The following CLDN1 variants were observed in gnomAD, a reference collection of about 807,000 sequenced individuals.
The protein encoded by CLDN1 is claudin 1.
In CLDN1, 12 loss-of-function variants were observed where a neutral mutation model predicts 22.6. That is an observed-to-expected ratio of 0.53 (90% CI 0.34 to 0.86). The LOEUF (loss-of-function observed/expected upper bound fraction) is 0.86, where lower values mean the gene tolerates loss of function less well. CLDN1 is among the 40% of genes least tolerant of loss of function. The pLI is 0.02. For missense variants in CLDN1, 250 were observed against 269.5 expected, an observed-to-expected ratio of 0.93 and a Z score of 0.51; for synonymous variants, 99 against 103.8, an observed-to-expected ratio of 0.95 and a Z score of 0.28.
chr3:190,317,035 T>C (rs899403396), intron 1 of CLDN1, among the ~76,000 whole-genome samples: 3 of 152,200 alleles, frequency 2.0e-5, no homozygotes, highest in Non-Finnish European at 4.4e-5. Flanking sequence ...TTTGCCCTAA[T>C]GGAATGATGA....
At chr3:190,321,886 C>A in intron 1 of CLDN1, 98 bp downstream of exon 1, 1 of 893,748 alleles carries the variant, frequency 1.1e-6, no homozygotes, top group South Asian at 1.5e-5. Context: ...CAACTGAAGA[C>A]TGATAACCAT....
rs536895119 is a variant in CLDN1, at chr3:190,322,342, C to T, written c.-136G>A. On this transcript the variant is annotated 5_prime_UTR_variant, in exon 1 of 4. Transcript: ENST00000295522. Reference sequence around the variant, plus strand: ...AAGGCGGGGAGCCCTGCTCGCTGCGCCGCCGCTGGAGAAGCTCTGGGTCGG... The same window carrying T: ...AAGGCGGGGAGCCCTGCTCGCTGCGTCGCCGCTGGAGAAGCTCTGGGTCGG... 288 of 803,198 alleles carry T rather than the reference C, an allele frequency of 3.6e-4. 1 individual carries two copies. In the African/African-American group the frequency reaches 4.3e-3, roughly 12 times the overall value. The allele number at this position is 803,198 out of a possible 1,614,324, so 49.8% of individuals were successfully genotyped here.
At chr3:190,320,309 G>T (rs1165858560) in intron 1 of CLDN1, among the ~76,000 whole-genome samples, 1 of 152,144 alleles carries the variant, frequency 6.6e-6, no homozygotes. Context: ...CTGACAGTGA[G>T]ACCTCTCTGG....
intron 1 of CLDN1, among the ~76,000 whole-genome samples, chr3:190,320,833 A>G (rs1361765702): frequency 6.6e-6 from 1 of 152,212 alleles, no homozygotes; most frequent in African/African-American, 2.4e-5. Context: ...GTTAAAGGGC[A>G]TAACAGACAC....
intron 1 of CLDN1, among the ~76,000 whole-genome samples, chr3:190,317,215 C>T (rs1440204654): frequency 6.6e-6 from 1 of 152,082 alleles, no homozygotes; most frequent in African/African-American, 2.4e-5. Flanking sequence ...GCTAAATCTA[C>T]AATATTATGA....
Position 190,322,421 on chromosome 3 carries a change from T to G in CLDN1, c.-215A>C. On this transcript the variant is annotated 5_prime_UTR_variant, in exon 1 of 4. Coordinates refer to ENST00000295522, the MANE Select transcript of CLDN1 (RefSeq NM_021101.5). ...GGAGTCTGGATACTAGAAGCTGCGG[T>G]TGCTCCCAGGCTCGGGAACTGAGAC... 3.4e-6 allele frequency: 2 copies of G among 587,334 alleles called. No homozygotes were observed. Among genetic ancestry groups the G allele is most frequent in the Non-Finnish European group, 6.1e-6 (2 of 328,138 alleles). The allele number at this position is 587,334 out of a possible 1,614,324, so 36.4% of individuals were successfully genotyped here. A position where few individuals can be genotyped will look rare whatever the true frequency, so the allele number is the denominator to read the frequency against.
chr3:190,308,406 C>A lies in CLDN1; in HGVS notation c.507G>T (p.Trp169Cys). Reference protein sequence around the residue: ...YEFGQALFTGWAAASLCLLGG... With the variant: ...YEFGQALFTGCAAASLCLLGG... ...CCAGAAGGCAGAGAGAAGCAGCAGC[C>A]CAGCCAGTGAAGAGAGCCTGACCAA... Residue 169 changes from tryptophan (W) to cysteine (C), a missense_variant, in exon 4 of 4, where the codon TGG becomes TGT. Coordinates refer to ENST00000295522, the MANE Select transcript of CLDN1 (RefSeq NM_021101.5). The A allele has an allele frequency of 1.9e-6, 3 of 1,613,588 alleles. No homozygotes were observed. The highest frequency in any genetic ancestry group is 2.5e-6 in the Non-Finnish European group (3 of 1,179,778).
Position 190,313,054 on chromosome 3 carries a change from A to G in CLDN1, c.224-18T>C. 6.2e-7 allele frequency: 1 copy of G among 1,614,068 alleles called. No individual in the cohort carries two copies. The highest frequency in any genetic ancestry group is 8.5e-7 in the Non-Finnish European group (1 of 1,179,964). On this transcript the variant is annotated intron_variant, in intron 1 of 3. Transcript: ENST00000295522. ...CAATGTGCCTGGCAGAAAACATTTT[A>G]AAACATGTAAAAATATGCTTGGACC...
chr3:190,313,959 T>G (rs1186078316), intron 1 of CLDN1, among the ~76,000 whole-genome samples: 1 of 152,178 alleles, frequency 6.6e-6, no homozygotes, highest in Non-Finnish European at 1.5e-5. Flanking sequence ...GGTTAGAAGA[T>G]TTTGTTTAAA....
In CLDN1 at chr3:190,305,908, AT is replaced by A. The variant is rs1716437765; in HGVS notation, c.*2368del. The A allele has an allele frequency of 6.6e-6, 1 of 152,212 alleles. No individual in the cohort carries two copies. Among genetic ancestry groups the A allele is most frequent in the South Asian group, 2.1e-4 (1 of 4,834 alleles). The allele number at this position is 152,212 out of a possible 1,614,324, so 9.4% of individuals were successfully genotyped here. The stretch of plus-strand genomic sequence containing the variant: ...TTTTTTGTAATGTTTGGTAACTGAT[AT>A]CCACATGGAATTACACTCACACATC... On this transcript the variant is annotated 3_prime_UTR_variant, in exon 4 of 4. Transcript: ENST00000295522.
chr3:190,314,562 AT>A (rs11360108), intron 1 of CLDN1, among the ~76,000 whole-genome samples: 38,790 of 143,590 alleles, frequency 0.27, 7,428 homozygotes, highest in African/African-American at 0.56. Context: ...GCCTGGCTAA[AT>A]TTTTTTTTTT....
rs1243647549 is a variant in CLDN1, at chr3:190,321,996, G to T, written c.211C>A (p.Leu71Met). 1.2e-6 allele frequency: 2 copies of T among 1,614,022 alleles called. No individual in the cohort carries two copies. The highest frequency in any genetic ancestry group is 2.7e-5 in the African/African-American group (2 of 74,954). Residue 71 changes from leucine (L) to methionine (M), a missense_variant, in exon 1 of 4, where the codon CTG becomes ATG. By Grantham distance (15) the Leu-to-Met change is conservative (BLOSUM62 2). Transcript: ENST00000295522. Reference protein sequence around the residue: ...QIQCKVFDSLLNLSSTLQATR... With the variant: ...QIQCKVFDSLMNLSSTLQATR... ...GGGGTGCACTCACTGCTCAGATTCA[G>T]CAAGGAGTCAAAGACTTTGCACTGG...
At chr3:190,311,780 T>A (rs1007943638) in intron 2 of CLDN1, among the ~76,000 whole-genome samples, 5 of 151,370 alleles carry the variant, frequency 3.3e-5, no homozygotes, top group Non-Finnish European at 4.4e-5. Flanking sequence ...AGATTGCATA[T>A]GTATGTACAT....
intron 1 of CLDN1, among the ~76,000 whole-genome samples, chr3:190,320,784 T>G (rs1012848930): frequency 1.3e-5 from 2 of 152,180 alleles, no homozygotes; most frequent in Admixed American, 6.5e-5. Context: ...GCAGTCACGT[T>G]CATCTAGGCA....
In CLDN1 at chr3:190,310,253, C is replaced by G. The variant is rs1221356478; in HGVS notation, c.389G>C (p.Gly130Ala). Reference sequence around the variant, plus strand: ...TGCTGTGGCAACTAAAATAGCCAGACCTATAGAAATTCAAAACAAAAGACT... The same window carrying G: ...TGCTGTGGCAACTAAAATAGCCAGAGCTATAGAAATTCAAAACAAAAGACT... ...VIGGAIFLLAGLAILVATAWY... is the reference protein window; with the variant it reads ...VIGGAIFLLAALAILVATAWY... The change falls in exon 3 of 4, where the codon GGT (glycine) becomes GCT (alanine). Residue 130 changes from glycine (G) to alanine (A), a missense_variant and splice_region_variant. Physicochemically the swap from Gly to Ala is moderately conservative, Grantham distance 60. Coordinates refer to ENST00000295522, the MANE Select transcript of CLDN1 (RefSeq NM_021101.5). 6.2e-7 allele frequency: 1 copy of G among 1,612,474 alleles called. No individual in the cohort carries two copies. Among genetic ancestry groups the G allele is most frequent in the South Asian group, 1.1e-5 (1 of 91,034 alleles).
intron 1 of CLDN1, among the ~76,000 whole-genome samples, chr3:190,320,128 A>G (rs1180440605): frequency 6.6e-6 from 1 of 152,260 alleles, no homozygotes; most frequent in Admixed American, 6.5e-5. Context: ...TAATAACTAC[A>G]TTAACCAAAA....
At chr3:190,308,587 G>T in intron 3 of CLDN1, 148 bp from the exon 4 acceptor site, 1 of 762,278 alleles carries the variant, frequency 1.3e-6, no homozygotes, top group Non-Finnish European at 2.2e-6. Context: ...TAAGATTTCT[G>T]AACATACACG....
Position 190,305,831 on chromosome 3 carries a change from A to C in CLDN1, c.*2446T>G, listed in dbSNP as rs1716435234. On this transcript the variant is annotated 3_prime_UTR_variant, in exon 4 of 4. Coordinates refer to ENST00000295522, the MANE Select transcript of CLDN1 (RefSeq NM_021101.5). ...GGTAGAAGAATATAAAAAGATCAAA[A>C]TTGGATAAATTCTATTGTAACAATT... 1 of 152,204 alleles carries C rather than the reference A, an allele frequency of 6.6e-6. No individual in the cohort carries two copies. Among genetic ancestry groups the C allele is most frequent in the South Asian group, 2.1e-4 (1 of 4,834 alleles). The allele number at this position is 152,204 out of a possible 1,614,324, so 9.4% of individuals were successfully genotyped here. A position where few individuals can be genotyped will look rare whatever the true frequency, so the allele number is the denominator to read the frequency against.
Position 190,312,990 on chromosome 3 carries a change from C to T in CLDN1, c.270G>A (p.Leu90=), listed in dbSNP as rs140296526. ...TGGCCACAAAGATTGCTATCACTCC[C>T]AGGAGGATGCCAACCACCATCAAGG... ...TRALMVVGIL[L]GVIAIFVATV... Residue 90 remains leucine (L), a synonymous_variant, in exon 2 of 4, where the codon CTG becomes CTA. Coordinates refer to ENST00000295522, the MANE Select transcript of CLDN1 (RefSeq NM_021101.5). 281 of 1,614,048 alleles carry T rather than the reference C, an allele frequency of 1.7e-4. No homozygotes were observed. Among genetic ancestry groups the T allele is most frequent in the Non-Finnish European group, 2.3e-4 (270 of 1,180,044 alleles).
Sources: gnomAD v4.1 joint callset for allele counts (sites outside exome capture counted in the v4.1 genomes callset) on GRCh38, gnomAD v4.1.1 for gene constraint, MANE v1.5 for transcripts, NCBI Gene and HGNC (gene_info 2026-07-23, HGNC 2026-07-21) for gene names.